MIPEP: variants seen among roughly 807,000 people sequenced by gnomAD.
MIPEP encodes mitochondrial intermediate peptidase.
In MIPEP, 79 loss-of-function variants were observed where a neutral mutation model predicts 90.3. That is an observed-to-expected ratio of 0.87 (90% CI 0.73 to 1.05). The LOEUF (loss-of-function observed/expected upper bound fraction) is 1.05. MIPEP is among the 50% of genes least tolerant of loss of function. The probability of loss-of-function intolerance (pLI) is 0.00; values close to 1 mark genes in which losing one functional copy is unlikely to be tolerated. For synonymous variants in MIPEP, 334 were observed against 315.8 expected (o/e 1.06, Z -0.61); for missense variants, 940 against 905.6 (o/e 1.04, Z -0.49).
chr13:23,832,142 C>T lies in MIPEP; in HGVS notation c.1653+4098G>A, dbSNP rs148819658. On this transcript the variant is annotated intron_variant, in intron 14 of 18. Transcript: ENST00000382172. ...TGCCCTCATAAATGGATTAATTCAT[C>T]CATTGATTATAATGGATTAAGAGAT... 1.0e-3 allele frequency among the ~76,000 whole-genome samples: 158 copies of T among 152,242 alleles called. 2 individuals carry two copies. The highest frequency in any genetic ancestry group is 3.7e-3 in the African/African-American group (153 of 41,548).
At chr13:23,745,962 G>A (rs758434669) in intron 18 of MIPEP, among the ~76,000 whole-genome samples, 1 of 149,564 alleles carries the variant, frequency 6.7e-6, no homozygotes, top group Non-Finnish European at 1.5e-5. Context: ...AGAACCAGAC[G>A]TTTGGGGATA....
At chr13:23,831,268 C>A (rs1289041208) in intron 14 of MIPEP, among the ~76,000 whole-genome samples, 4 of 151,424 alleles carry the variant, frequency 2.6e-5, no homozygotes, top group East Asian at 1.9e-4. Flanking sequence ...AGGGCACAGA[C>A]AAATAGATCC....
At chr13:23,817,685 A>C (rs1182333430) in intron 14 of MIPEP, among the ~76,000 whole-genome samples, 2 of 152,204 alleles carry the variant, frequency 1.3e-5, no homozygotes, top group Non-Finnish European at 2.9e-5. Flanking sequence ...GGCATGCTGC[A>C]GGTGTGTAAC....
rs1465118574 is a variant in MIPEP, at chr13:23,889,294, G to A, written c.27C>T (p.Gly9=). MLCVGRLG[G]LGARAAALPP... is the part of the protein sequence containing the mutation. ...GCAGAGCTGCTGCTCTGGCTCCCAA[G>A]CCGCCCAGCCTTCCGACGCACAGCA... The change falls in exon 1 of 19, where the codon GGC becomes GGT. Residue 9 remains glycine, a synonymous_variant. Coordinates refer to ENST00000382172, the MANE Select transcript of MIPEP (RefSeq NM_005932.4). 18 of 1,358,164 alleles carry A rather than the reference G, an allele frequency of 1.3e-5. No homozygotes were observed. The Admixed American group carries it at 1.9e-4, about 15-fold the overall frequency. The allele number at this position is 1,358,164 out of a possible 1,614,324, so 84.1% of individuals were successfully genotyped here.
intron 18 of MIPEP, among the ~76,000 whole-genome samples, chr13:23,743,159 C>T (rs1353105196): frequency 3.3e-5 from 5 of 152,196 alleles, no homozygotes; most frequent in Non-Finnish European, 7.3e-5. Context: ...GCACCATTAC[C>T]AATTCTAATA....
At chr13:23,849,544 C>G (rs555580836) in intron 10 of MIPEP, among the ~76,000 whole-genome samples, 12 of 152,316 alleles carry the variant, frequency 7.9e-5, no homozygotes, top group African/African-American at 2.9e-4. Context: ...AATAAACACT[C>G]TGCTATTCTG....
intron 16 of MIPEP, among the ~76,000 whole-genome samples, chr13:23,765,320 G>C (rs1016403230): frequency 1.3e-5 from 2 of 152,156 alleles, no homozygotes; most frequent in Non-Finnish European, 2.9e-5. Flanking sequence ...GGTCAACTTC[G>C]CTCCAAAAAT....
intron 14 of MIPEP, among the ~76,000 whole-genome samples, chr13:23,824,312 C>T (rs1953341912): frequency 1.3e-5 from 2 of 152,162 alleles, no homozygotes; most frequent in South Asian, 2.1e-4. Context: ...TGATAAAATA[C>T]CTTTTTTACT....
intron 18 of MIPEP, among the ~76,000 whole-genome samples, chr13:23,745,669 T>C (rs1952374468): frequency 6.6e-6 from 1 of 152,128 alleles, no homozygotes; most frequent in Admixed American, 6.6e-5. Context: ...GGCTCATGTC[T>C]GTAACACTGG....
At chr13:23,760,402 G>C in intron 16 of MIPEP, 185 bp from the exon 17 acceptor site, 3 of 806,326 alleles carry the variant, frequency 3.7e-6, no homozygotes, top group Non-Finnish European at 2.1e-6. Flanking sequence ...GGGCTGAACT[G>C]TGTCTCCTGA....
At chr13:23,838,240 C>G (rs1023640822) in intron 12 of MIPEP, among the ~76,000 whole-genome samples, 1 of 152,080 alleles carries the variant, frequency 6.6e-6, no homozygotes, top group Admixed American at 6.6e-5. Flanking sequence ...ACCTCCTGGG[C>G]TCAAGCCATC....
chr13:23,737,423 C>T (rs1167397273), intron 18 of MIPEP, among the ~76,000 whole-genome samples: 2 of 152,156 alleles, frequency 1.3e-5, no homozygotes, highest in African/African-American at 4.8e-5. Context: ...CTTAGGGATG[C>T]TTTCTGGGTG....
intron 12 of MIPEP, among the ~76,000 whole-genome samples, chr13:23,838,237 G>A (rs920410505): frequency 5.9e-5 from 9 of 152,052 alleles, no homozygotes; most frequent in Admixed American, 1.3e-4. Context: ...TGGACCTCCT[G>A]GGCTCAAGCC....
chr13:23,793,707 T>TG (rs1222910801), intron 16 of MIPEP, among the ~76,000 whole-genome samples: 1 of 151,838 alleles, frequency 6.6e-6, no homozygotes, highest in Non-Finnish European at 1.5e-5. Context: ...TAAACTGAGA[T>TG]GACCCATCTT....
intron 17 of MIPEP, among the ~76,000 whole-genome samples, chr13:23,757,215 A>T (rs1284275850): frequency 6.6e-6 from 1 of 151,968 alleles, no homozygotes; most frequent in Non-Finnish European, 1.5e-5. Flanking sequence ...CCCATCCTAG[A>T]TCCTTGTGAG....
intron 18 of MIPEP, among the ~76,000 whole-genome samples, chr13:23,743,641 C>T (rs1952354669): frequency 6.6e-6 from 1 of 152,240 alleles, no homozygotes; most frequent in Admixed American, 6.5e-5. Context: ...CCAGCAAGTA[C>T]AGCCCCACAT....
At chr13:23,873,232 G>C (rs1870911916) in intron 5 of MIPEP, among the ~76,000 whole-genome samples, 1 of 152,242 alleles carries the variant, frequency 6.6e-6, no homozygotes, top group Non-Finnish European at 1.5e-5. Context: ...GGAGGACACT[G>C]TGTATGAGGG....
chr13:23,868,437 T>C lies in MIPEP; in HGVS notation c.943+855A>G, dbSNP rs143927325. On this transcript the variant is annotated intron_variant, in intron 7 of 18. Transcript: ENST00000382172. ...TGGAGAAGAGAGGAACATGCTAGGGTGAGAAGGGATAAGCACAGAAGGAAT... is the reference window on the plus strand; with the variant it reads ...TGGAGAAGAGAGGAACATGCTAGGGCGAGAAGGGATAAGCACAGAAGGAAT... Among the ~76,000 whole-genome samples the C allele has an allele frequency of 2.8e-3, 430 of 151,974 alleles. 1 individual carries two copies. The highest frequency in any genetic ancestry group is 0.024 in the Middle Eastern group (7 of 294).
chr13:23,751,314 C>T (rs928035115), intron 18 of MIPEP, among the ~76,000 whole-genome samples: 2 of 152,068 alleles, frequency 1.3e-5, no homozygotes, highest in African/African-American at 2.4e-5. Context: ...TCTACAGAAA[C>T]GTAAGGTATT....
Sources: gnomAD v4.1 joint callset for allele counts (sites outside exome capture counted in the v4.1 genomes callset) on GRCh38, gnomAD v4.1.1 for gene constraint, MANE v1.5 for transcripts, NCBI Gene and HGNC (gene_info 2026-07-23, HGNC 2026-07-21) for gene names.